The following RNLS variants were observed in gnomAD, a reference collection of about 807,000 sequenced individuals.
RNLS encodes renalase, FAD dependent amine oxidase.
A neutral mutation model predicts 39.8 loss-of-function variants in RNLS; 39 were observed. That is an observed-to-expected ratio of 0.98 (90% CI 0.76 to 1.28). The LOEUF (loss-of-function observed/expected upper bound fraction) is 1.28, where lower values mean the gene tolerates loss of function less well. RNLS is among the 50% of genes most tolerant of loss of function. RNLS has a pLI of 0.00. For synonymous variants in RNLS, 147 were observed against 150.7 expected (o/e 0.98, Z 0.18); for missense variants, 410 against 413.3 (o/e 0.99, Z 0.07).
intron 4 of RNLS, among the ~76,000 whole-genome samples, chr10:88,377,258 ACG>A (rs1329423675): frequency 4.9e-5 from 7 of 142,758 alleles, no homozygotes; most frequent in African/African-American, 1.7e-4. Context: ...ACACACACAC[ACG>A]CACACATCCT....
chr10:88,192,239 G>A, the RNLS span, among the ~76,000 whole-genome samples: 3 of 152,016 alleles, frequency 2.0e-5, no homozygotes, highest in Admixed American at 2.0e-4. Flanking sequence ...GTGGATTTTA[G>A]TTTCTTCATC....
intron 5 of RNLS, among the ~76,000 whole-genome samples, chr10:88,351,611 C>G (rs1848716170): frequency 6.6e-6 from 1 of 152,162 alleles, no homozygotes; most frequent in African/African-American, 2.4e-5. Flanking sequence ...GTACCAGTAC[C>G]ATGCTGTTTT....
downstream of RNLS, among the ~76,000 whole-genome samples, chr10:88,279,961 T>C (rs893386971): frequency 6.6e-6 from 1 of 152,110 alleles, no homozygotes. Context: ...CTAGAGCTTT[T>C]AAGCTTCTGG....
intron 5 of RNLS, among the ~76,000 whole-genome samples, chr10:88,342,008 A>T (rs1847992874): frequency 6.6e-6 from 1 of 152,160 alleles, no homozygotes; most frequent in African/African-American, 2.4e-5. Context: ...CAGCCATGTA[A>T]CTATTAGGTT....
rs184682406 is a variant in RNLS, at chr10:88,511,120, A to G, written c.526+61783T>C. 3.3e-4 allele frequency among the ~76,000 whole-genome samples: 50 copies of G among 152,088 alleles called. No individual in the cohort carries two copies. In the East Asian group the frequency reaches 7.6e-3, roughly 23 times the overall value. On this transcript the variant is annotated intron_variant, in intron 4 of 6. Transcript: ENST00000331772. ...GGGAGAAATCTATTCTAAAATTTGA[A>G]TTCAATGGGACATTATCTCCTTCCC...
intron 6 of RNLS, among the ~76,000 whole-genome samples, chr10:88,298,035 T>C (rs1257363801): frequency 6.6e-6 from 1 of 152,156 alleles, no homozygotes. Context: ...AGTGAAATAG[T>C]ATCTTATTGT....
At chr10:88,281,686 A>G (rs185882241), downstream of RNLS, among the ~76,000 whole-genome samples, 2 of 152,268 alleles carry the variant, frequency 1.3e-5, no homozygotes, top group African/African-American at 4.8e-5. Flanking sequence ...TCGAAAATCA[A>G]CATAAGGGTT....
At chr10:88,443,807 T>G (rs1323050650) in intron 4 of RNLS, among the ~76,000 whole-genome samples, 11 of 152,092 alleles carry the variant, frequency 7.2e-5, no homozygotes, top group Admixed American at 7.2e-4. Flanking sequence ...CTTGAGTAGG[T>G]AAACAAAGCA....
intron 4 of RNLS, among the ~76,000 whole-genome samples, chr10:88,552,473 G>A (rs1848647476): frequency 6.6e-6 from 1 of 152,182 alleles, no homozygotes; most frequent in Admixed American, 6.5e-5. Flanking sequence ...AAGCATTTGG[G>A]CAATAAGGAA....
the RNLS span, among the ~76,000 whole-genome samples, chr10:88,255,686 A>G: frequency 6.6e-6 from 1 of 152,222 alleles, no homozygotes; most frequent in Non-Finnish European, 1.5e-5. Context: ...TTGCAGGGCT[A>G]TGTCTCTCCA....
At chr10:88,476,561 A>T (rs140614953) in intron 4 of RNLS, among the ~76,000 whole-genome samples, 1 of 152,286 alleles carries the variant, frequency 6.6e-6, no homozygotes, top group African/African-American at 2.4e-5. Flanking sequence ...TGACTTATTG[A>T]AAAGCAACAT....
At chr10:88,431,617 A>C (rs1855136738) in intron 4 of RNLS, among the ~76,000 whole-genome samples, 1 of 151,644 alleles carries the variant, frequency 6.6e-6, no homozygotes, top group Non-Finnish European at 1.5e-5. Context: ...TTAGCACATA[A>C]ATTTCCTCCA....
intron 4 of RNLS, among the ~76,000 whole-genome samples, chr10:88,460,587 C>T (rs952788849): frequency 1.3e-5 from 2 of 152,066 alleles, no homozygotes; most frequent in Non-Finnish European, 1.5e-5. Flanking sequence ...ATAAAGCCTC[C>T]GTGAAAGACA....
At chr10:88,273,680 C>T (rs1212704839), downstream of RNLS, among the ~76,000 whole-genome samples, 2 of 152,142 alleles carry the variant, frequency 1.3e-5, no homozygotes, top group African/African-American at 2.4e-5. Context: ...TGGATTATTT[C>T]TTTAAGCCAG....
chr10:88,204,002 A>G, the RNLS span, among the ~76,000 whole-genome samples: 4 of 152,120 alleles, frequency 2.6e-5, no homozygotes, highest in Non-Finnish European at 5.9e-5. Context: ...AATGTTCACC[A>G]CGGATACTTT....
At chr10:88,278,086 G>C (rs367562521) in intron 6 of RNLS, among the ~76,000 whole-genome samples, 30 of 152,198 alleles carry the variant, frequency 2.0e-4, no homozygotes, top group African/African-American at 7.0e-4. Flanking sequence ...CCTGATTTTA[G>C]GCACATAATG....
the RNLS span, among the ~76,000 whole-genome samples, chr10:88,259,826 C>A: frequency 5.9e-5 from 9 of 152,252 alleles, no homozygotes; most frequent in South Asian, 4.1e-4. Flanking sequence ...TCACTGCAAC[C>A]TTTACCTCCC....
At chr10:88,264,197 A>G in the RNLS span, among the ~76,000 whole-genome samples, 1 of 152,148 alleles carries the variant, frequency 6.6e-6, no homozygotes, top group African/African-American at 2.4e-5. Context: ...TATATATACC[A>G]CAATGTATTT....
intron 4 of RNLS, among the ~76,000 whole-genome samples, chr10:88,471,106 AG>A (rs1217031973): frequency 6.6e-6 from 1 of 152,186 alleles, no homozygotes; most frequent in Non-Finnish European, 1.5e-5. Flanking sequence ...CCTACCTACA[AG>A]GAAGATTTTC....
Sources: gnomAD v4.1 joint callset for allele counts (sites outside exome capture counted in the v4.1 genomes callset) on GRCh38, gnomAD v4.1.1 for gene constraint, MANE v1.5 for transcripts, NCBI Gene and HGNC (gene_info 2026-07-23, HGNC 2026-07-21) for gene names.